The following FAM149A variants were observed in gnomAD, a reference collection of about 807,000 sequenced individuals.
FAM149A encodes family with sequence similarity 149 member A, also known as protein FAM149A.
Under a neutral mutation model 78.2 loss-of-function variants are expected in FAM149A, and 71 were observed. That is an observed-to-expected ratio of 0.91 (90% CI 0.75 to 1.11). FAM149A has a LOEUF of 1.11. FAM149A is among the 50% of genes least tolerant of loss of function. FAM149A has a pLI of 0.00. For missense variants in FAM149A, 1,036 were observed against 971.0 expected (o/e 1.07, Z -0.89); for synonymous variants, 446 against 410.5 (o/e 1.09, Z -1.04).
At chr4:186,146,855 A>G in intron 1 of FAM149A, 1 of 985,456 alleles carries the variant, frequency 1.0e-6, no homozygotes, top group Non-Finnish European at 1.2e-6. Flanking sequence ...TTCTGTAGTG[A>G]AAATGAGTTC....
chr4:186,139,400 T>G (rs1296124984), intron 1 of FAM149A, among the ~76,000 whole-genome samples: 1 of 152,144 alleles, frequency 6.6e-6, no homozygotes, highest in Non-Finnish European at 1.5e-5. Flanking sequence ...AGGTGGGGCC[T>G]TTAGGAGGCG....
In FAM149A at chr4:186,104,850, G is replaced by A; in HGVS notation, c.-227G>A. 1.7e-6 allele frequency: 1 copy of A among 598,126 alleles called. No homozygotes were observed. Among genetic ancestry groups the A allele is most frequent in the Non-Finnish European group, 2.1e-6 (1 of 476,010 alleles). 37.1% of individuals were successfully genotyped at this position (598,126 alleles called of 1,614,324 possible). ...GGTCTCACGGCGCTGGGACGAGGCG[G>A]GGCTGCTCTCCGCAGCCGGGGCGCT... On this transcript the variant is annotated 5_prime_UTR_variant, in exon 1 of 14. Coordinates refer to ENST00000389354, the MANE Select transcript of FAM149A (RefSeq NM_001367768.3).
intron 1 of FAM149A, chr4:186,109,311 C>CTTTTT: frequency 1.8e-6 from 1 of 571,344 alleles, no homozygotes; most frequent in Non-Finnish European, 2.2e-6. Flanking sequence ...TATATTCACT[C>CTTTTT]TTTTTTTTTT....
intron 1 of FAM149A, chr4:186,109,975 CTT>C (rs2099310531): frequency 1.0e-6 from 1 of 985,424 alleles, no homozygotes; most frequent in Non-Finnish European, 1.2e-6. Flanking sequence ...TGGGATCAAA[CTT>C]TTAATCTGCA....
chr4:186,153,098 G>C (rs1733741399), intron 4 of FAM149A, among the ~76,000 whole-genome samples: 1 of 150,838 alleles, frequency 6.6e-6, no homozygotes, highest in African/African-American at 2.4e-5. Context: ...GATACTAGTT[G>C]TGGATACTCA....
chr4:186,117,902 AG>A, intron 1 of FAM149A: 2 of 985,154 alleles, frequency 2.0e-6, no homozygotes, highest in Non-Finnish European at 2.4e-6. Context: ...GGTGAGGCTG[AG>A]GAAGCAAGAG....
At chr4:186,116,581 G>C in intron 1 of FAM149A, 1 of 963,624 alleles carries the variant, frequency 1.0e-6, no homozygotes, top group East Asian at 1.3e-4. Flanking sequence ...CTCTTTCTTT[G>C]TTGTTATATT....
At chr4:186,132,336 G>A in intron 1 of FAM149A, 3 of 575,952 alleles carry the variant, frequency 5.2e-6, no homozygotes, top group Non-Finnish European at 6.6e-6. Flanking sequence ...TTGATGCAGA[G>A]ATAAACAGTG....
chr4:186,106,496 G>A (rs911825047), intron 1 of FAM149A, among the ~76,000 whole-genome samples: 4 of 152,232 alleles, frequency 2.6e-5, no homozygotes, highest in East Asian at 3.9e-4. Flanking sequence ...AGACAGATGA[G>A]CCAATTCACA....
chr4:186,136,989 TC>T (rs1399462234), intron 1 of FAM149A, among the ~76,000 whole-genome samples: 3 of 124,328 alleles, frequency 2.4e-5, no homozygotes, highest in Non-Finnish European at 3.6e-5. Context: ...TCTCTCTCTC[TC>T]TCTCTCTCTC....
At chr4:186,152,384 C>T (rs942409076) in intron 4 of FAM149A, among the ~76,000 whole-genome samples, 1 of 152,166 alleles carries the variant, frequency 6.6e-6, no homozygotes, top group African/African-American at 2.4e-5. Flanking sequence ...TCACAGAACA[C>T]AGCGAGGGTG....
intron 1 of FAM149A, among the ~76,000 whole-genome samples, chr4:186,135,483 A>G (rs978426847): frequency 6.6e-6 from 1 of 152,178 alleles, no homozygotes; most frequent in African/African-American, 2.4e-5. Context: ...TGCAGAGGAA[A>G]TACAGGGTTC....
chr4:186,105,643 G>C lies in FAM149A; in HGVS notation c.566+1G>C. 9.4e-7 allele frequency: 1 copy of C among 1,062,956 alleles called. No individual in the cohort carries two copies. Among genetic ancestry groups the C allele is most frequent in the Non-Finnish European group, 1.1e-6 (1 of 874,122 alleles). 65.8% of individuals were successfully genotyped at this position (1,062,956 alleles called of 1,614,324 possible). On this transcript the variant is annotated splice_donor_variant, in intron 1 of 13. Coordinates refer to ENST00000389354, the MANE Select transcript of FAM149A (RefSeq NM_001367768.3). LOFTEE classifies it high-confidence loss of function. ...ACGGCGACTCCGGGGATGGCGAAGC[G>C]TGAGTAGCAGCGTGGTCCGGGCGCG...
intron 8 of FAM149A, 119 bp downstream of exon 8, chr4:186,157,838 A>G (rs1429404505): frequency 1.3e-6 from 2 of 1,557,208 alleles, no homozygotes; most frequent in Non-Finnish European, 1.7e-6. Context: ...CGCTGCCCGC[A>G]GAGGGGTCCA....
At chr4:186,146,556 T>C (rs945825293) in intron 1 of FAM149A, 68 of 957,412 alleles carry the variant, frequency 7.1e-5, no homozygotes, top group Non-Finnish European at 8.3e-5. Context: ...GTGAATTTCC[T>C]AGAGGAATAA....
chr4:186,164,325 C>T lies in FAM149A; in HGVS notation c.1889+692C>T. The T allele has an allele frequency of 4.5e-6, 1 of 222,138 alleles. No homozygotes were observed. The highest frequency in any genetic ancestry group is 7.6e-6 in the Non-Finnish European group (1 of 131,850). 13.8% of individuals were successfully genotyped at this position (222,138 alleles called of 1,614,324 possible). Reference sequence around the variant, plus strand: ...GAGATGAGGGAACAGGCTAAGCCTGCCGGAGATCATCCCCGCCAGGAAGAG... The same window carrying T: ...GAGATGAGGGAACAGGCTAAGCCTGTCGGAGATCATCCCCGCCAGGAAGAG... On this transcript the variant is annotated intron_variant, in intron 10 of 13. Coordinates refer to ENST00000389354, the MANE Select transcript of FAM149A (RefSeq NM_001367768.3). This position sits in a 1 kb window ranked among gnomAD's most constrained non-coding sequence, Gnocchi z 4.0.
At position 186,172,214 on chromosome 4, in the gene FAM149A, G is replaced by T. The variant is rs770098590; in HGVS notation, c.*227G>T. 3.9e-6 allele frequency: 2 copies of T among 519,316 alleles called. No homozygotes were observed. Among genetic ancestry groups the T allele is most frequent in the Non-Finnish European group, 6.3e-6 (2 of 317,594 alleles). The allele number at this position is 519,316 out of a possible 1,614,324, so 32.2% of individuals were successfully genotyped here. On this transcript the variant is annotated 3_prime_UTR_variant, in exon 14 of 14. Coordinates refer to ENST00000389354, the MANE Select transcript of FAM149A (RefSeq NM_001367768.3). The stretch of plus-strand genomic sequence containing the variant: ...TTGCTGAAAGCATCTCCAAGGTTCT[G>T]TAGGCTTTGTTCAGAAGCCCCTGAT...
intron 8 of FAM149A, 137 bp from the exon 9 acceptor site, chr4:186,162,708 C>G (rs1734700282): frequency 9.8e-6 from 6 of 611,592 alleles, no homozygotes. Flanking sequence ...AATATATCCC[C>G]TTTATTAGTT....
At chr4:186,105,704 G>A in intron 1 of FAM149A, 62 bp downstream of exon 1, 3 of 1,004,638 alleles carry the variant, frequency 3.0e-6, no homozygotes, top group African/African-American at 1.8e-5. Context: ...CCCTCCGCCT[G>A]CCGCACTCAC....
Sources: allele counts gnomAD v4.1 joint callset (sites outside exome capture counted in the v4.1 genomes callset), GRCh38; gene constraint gnomAD v4.1.1; non-coding constraint Gnocchi (gnomAD v3.1); transcripts MANE v1.5; gene names NCBI Gene and HGNC (gene_info 2026-07-23, HGNC 2026-07-21).